The following CTNND2 variants were observed in gnomAD, a reference collection of about 807,000 sequenced individuals.
CTNND2 encodes the protein catenin delta-2.
A neutral mutation model predicts 144.4 loss-of-function variants in CTNND2; 22 were observed. That is an observed-to-expected ratio of 0.15 (90% CI 0.11 to 0.22). CTNND2 has a LOEUF of 0.22. CTNND2 is among the 10% of genes least tolerant of loss of function. The pLI, the probability that CTNND2 is intolerant of heterozygous loss-of-function variation, is 1.00. For missense variants in CTNND2, 1,353 were observed against 1,618.8 expected, an observed-to-expected ratio of 0.84 and a Z score of 2.82; for synonymous variants, 751 against 695.6, an observed-to-expected ratio of 1.08 and a Z score of -1.25.
At chr5:11,031,197 G>T (rs1410729120) in intron 16 of CTNND2, among the ~76,000 whole-genome samples, 1 of 152,186 alleles carries the variant, frequency 6.6e-6, no homozygotes, top group Non-Finnish European at 1.5e-5. Flanking sequence ...AGATAGAGGG[G>T]CTTGCAATCA....
intron 3 of CTNND2, among the ~76,000 whole-genome samples, chr5:11,454,512 T>C (rs1437158539): frequency 6.6e-6 from 1 of 152,180 alleles, no homozygotes; most frequent in Non-Finnish European, 1.5e-5. Flanking sequence ...AAATCAAGTA[T>C]TTGTTTAGAG....
chr5:11,804,336 C>T (rs1485672487), intron 1 of CTNND2, among the ~76,000 whole-genome samples: 1 of 152,146 alleles, frequency 6.6e-6, no homozygotes, highest in Non-Finnish European at 1.5e-5. Flanking sequence ...CTATGCTATC[C>T]AGTCTTTATA....
At chr5:10,982,978 T>C (rs1737482462) in intron 20 of CTNND2, among the ~76,000 whole-genome samples, 1 of 152,112 alleles carries the variant, frequency 6.6e-6, no homozygotes, top group South Asian at 2.1e-4. Flanking sequence ...AGATGGACAG[T>C]AGAATGATGG....
chr5:11,110,065 A>G (rs1394403989), intron 14 of CTNND2, among the ~76,000 whole-genome samples: 1 of 152,142 alleles, frequency 6.6e-6, no homozygotes, highest in African/African-American at 2.4e-5. Flanking sequence ...TTCCAGTGTT[A>G]GCAAAGGTGG....
At chr5:11,485,343 G>C (rs1016579326) in intron 3 of CTNND2, among the ~76,000 whole-genome samples, 2 of 136,188 alleles carry the variant, frequency 1.5e-5, no homozygotes, top group African/African-American at 6.1e-5. Flanking sequence ...GAGAGACAGA[G>C]ACTGTGTGTG....
At chr5:11,007,142 G>C (rs1353337151) in intron 18 of CTNND2, among the ~76,000 whole-genome samples, 1 of 152,166 alleles carries the variant, frequency 6.6e-6, no homozygotes, top group Non-Finnish European at 1.5e-5. Flanking sequence ...CAGGTACTCA[G>C]TAAATATGCA....
At chr5:11,827,015 C>A (rs1793639552) in intron 1 of CTNND2, among the ~76,000 whole-genome samples, 1 of 151,850 alleles carries the variant, frequency 6.6e-6, no homozygotes, top group Non-Finnish European at 1.5e-5. Flanking sequence ...ACAAAAATAG[C>A]AGAATAAATA....
At chr5:11,036,104 ATCC>A in intron 16 of CTNND2, among the ~76,000 whole-genome samples, 1 of 152,026 alleles carries the variant, frequency 6.6e-6, no homozygotes, top group Non-Finnish European at 1.5e-5. Flanking sequence ...TGTCACTAAA[ATCC>A]TCCTACTTGA....
intron 2 of CTNND2, among the ~76,000 whole-genome samples, chr5:11,597,725 C>G (rs187107829): frequency 2.6e-4 from 39 of 152,150 alleles, no homozygotes; most frequent in African/African-American, 7.5e-4. Context: ...AGGTGTGGTC[C>G]ACCATGCCCA....
intron 16 of CTNND2, among the ~76,000 whole-genome samples, chr5:11,079,265 T>A (rs938307401): frequency 1.6e-5 from 2 of 121,784 alleles, no homozygotes; most frequent in Non-Finnish European, 3.2e-5. Flanking sequence ...CAAGATCACC[T>A]GCACCCTTGC....
chr5:11,335,051 C>T (rs1753600187), intron 9 of CTNND2, among the ~76,000 whole-genome samples: 1 of 152,076 alleles, frequency 6.6e-6, no homozygotes, highest in Admixed American at 6.6e-5. Flanking sequence ...TCCTCCTTTC[C>T]TCCTCCTTCT....
intron 9 of CTNND2, among the ~76,000 whole-genome samples, chr5:11,304,973 CTGAA>C (rs1750037612): frequency 6.9e-6 from 1 of 144,562 alleles, no homozygotes. Context: ...TGCTTGCTTG[CTGAA>C]TGAATGCATC....
intron 9 of CTNND2, among the ~76,000 whole-genome samples, chr5:11,344,308 T>C (rs374047149): frequency 1.8e-4 from 27 of 151,436 alleles, no homozygotes; most frequent in African/African-American, 5.8e-4. Flanking sequence ...AGGAGAATGG[T>C]GTGAACCCGG....
intron 2 of CTNND2, among the ~76,000 whole-genome samples, chr5:11,678,544 A>G (rs1368113361): frequency 1.3e-5 from 2 of 152,174 alleles, no homozygotes; most frequent in Non-Finnish European, 2.9e-5. Context: ...ATCAGCCTTC[A>G]ATAGGAAATT....
chr5:11,802,619 T>C (rs1378806218), intron 1 of CTNND2, among the ~76,000 whole-genome samples: 1 of 152,104 alleles, frequency 6.6e-6, no homozygotes, highest in East Asian at 1.9e-4. Context: ...TTTCAGTTAA[T>C]TATGACTTGT....
intron 10 of CTNND2, among the ~76,000 whole-genome samples, chr5:11,213,787 T>G (rs944468077): frequency 6.6e-6 from 1 of 152,002 alleles, no homozygotes; most frequent in African/African-American, 2.4e-5. Context: ...AGTACTGCTA[T>G]GTTACACGCA....
At chr5:11,057,743 A>G (rs1332306509) in intron 16 of CTNND2, among the ~76,000 whole-genome samples, 1 of 152,244 alleles carries the variant, frequency 6.6e-6, no homozygotes, top group Non-Finnish European at 1.5e-5. Flanking sequence ...AGAATAAGAT[A>G]GAAAAATATG....
intron 3 of CTNND2, among the ~76,000 whole-genome samples, chr5:11,518,475 C>T (rs1038935363): frequency 6.6e-5 from 10 of 152,204 alleles, no homozygotes; most frequent in African/African-American, 2.4e-4. Flanking sequence ...ATAAATTGAG[C>T]GTAGCCTAAG....
rs527385032 is a variant in CTNND2 at position 11,812,165 on chromosome 5, T to C, written c.38-79893A>G. Among the ~76,000 whole-genome samples the C allele has an allele frequency of 1.6e-3, 238 of 152,186 alleles. 1 individual carries two copies. Among genetic ancestry groups the C allele is most frequent in the African/African-American group, 5.1e-3 (212 of 41,540 alleles). Reference sequence around the variant, plus strand: ...AAATAAACCATAAACACAAAGAAATTAGTAAAACACAGATGTCCTGTTGTG... The same window carrying C: ...AAATAAACCATAAACACAAAGAAATCAGTAAAACACAGATGTCCTGTTGTG... On this transcript the variant is annotated intron_variant, in intron 1 of 21. Transcript: ENST00000304623.
Sources: gnomAD v4.1 joint callset for allele counts (sites outside exome capture counted in the v4.1 genomes callset) on GRCh38, gnomAD v4.1.1 for gene constraint, MANE v1.5 for transcripts, NCBI Gene and HGNC (gene_info 2026-07-23, HGNC 2026-07-21) for gene names.